YTHDF2: variants seen among roughly 807,000 people sequenced by gnomAD.
YTHDF2 encodes YTH domain-containing family protein 2.
Under a neutral mutation model 50.4 loss-of-function variants are expected in YTHDF2, and 2 were observed. That is an observed-to-expected ratio of 0.04 (90% CI 0.02 to 0.12). The LOEUF (loss-of-function observed/expected upper bound fraction) is 0.12, where lower values mean the gene tolerates loss of function less well. Ranked by LOEUF, YTHDF2 falls within the 10% of genes least tolerant of loss-of-function variation. The pLI is 1.00. For synonymous variants in YTHDF2, 217 were observed against 255.6 expected (o/e 0.85, Z 1.44); for missense variants, 483 against 722.6 (o/e 0.67, Z 3.80).
At chr1:28,745,598 G>A (rs1048529663) in intron 4 of YTHDF2, among the ~76,000 whole-genome samples, 4 of 151,998 alleles carry the variant, frequency 2.6e-5, no homozygotes, top group Non-Finnish European at 5.9e-5. Flanking sequence ...GGTGGCACAT[G>A]CCTGTAATCT....
intron 4 of YTHDF2, among the ~76,000 whole-genome samples, chr1:28,749,432 G>T (rs1014991718): frequency 1.3e-5 from 2 of 151,882 alleles, no homozygotes; most frequent in Admixed American, 6.6e-5. Flanking sequence ...TGCCCGCCCC[G>T]GCCTCCCAAA....
At chr1:28,745,050 G>C (rs972444599) in intron 4 of YTHDF2, among the ~76,000 whole-genome samples, 3 of 152,170 alleles carry the variant, frequency 2.0e-5, no homozygotes, top group African/African-American at 7.2e-5. Context: ...TAGTGGTTGA[G>C]AGAATCCTGA....
At chr1:28,737,991 C>T (rs939012264) in intron 2 of YTHDF2, among the ~76,000 whole-genome samples, 4 of 151,908 alleles carry the variant, frequency 2.6e-5, no homozygotes, top group African/African-American at 9.7e-5. Flanking sequence ...GAAGTACTCT[C>T]ATGTGATGGG....
chr1:28,736,925 T>A, upstream of YTHDF2: 1 of 581,634 alleles, frequency 1.7e-6, no homozygotes, highest in Non-Finnish European at 2.9e-6. Context: ...GAGACGGGCA[T>A]TGAGCTCTTG....
In YTHDF2 at chr1:28,768,071, G is replaced by A. The variant is rs187337456; in HGVS notation, c.1717-858G>A. On this transcript the variant is annotated intron_variant, in intron 4 of 4. Coordinates refer to ENST00000373812, the MANE Select transcript of YTHDF2 (RefSeq NM_016258.3). ...GAAAAAATTAGCCAGGCATGGTGGC[G>A]GCGCCTGTAATCCCAGCTACTCAGG... Among the ~76,000 whole-genome samples the A allele has an allele frequency of 3.6e-3, 546 of 151,740 alleles. 7 individuals carry two copies. Among genetic ancestry groups the A allele is most frequent in the African/African-American group, 0.013 (520 of 41,454 alleles).
At chr1:28,741,331 T>C (rs1029181380) in intron 3 of YTHDF2, among the ~76,000 whole-genome samples, 6 of 151,942 alleles carry the variant, frequency 3.9e-5, no homozygotes, top group African/African-American at 1.2e-4. Context: ...ACAGTCTGGC[T>C]CTGTTGCCTG....
chr1:28,738,442 T>C (rs1432379013), intron 3 of YTHDF2, 104 bp downstream of exon 3: 4 of 1,044,214 alleles, frequency 3.8e-6, no homozygotes, highest in Non-Finnish European at 4.2e-6. Context: ...TTTTTTTCTT[T>C]TTTCTGTTTT....
chr1:28,737,480 C>G (rs186999653), intron 1 of YTHDF2, 178 bp from the exon 2 acceptor site: 29 of 854,664 alleles, frequency 3.4e-5, no homozygotes, highest in Admixed American at 9.4e-5. Flanking sequence ...TCCCCTGCCC[C>G]ACGGGCCTGG....
intron 4 of YTHDF2, among the ~76,000 whole-genome samples, chr1:28,754,480 AGATAGCGCTACTGCACTCCAGCCTGGGC>A (rs1240034344): frequency 6.6e-6 from 1 of 152,080 alleles, no homozygotes; most frequent in African/African-American, 2.4e-5. Flanking sequence ...CAGTGAGCTG[AGATAGCGCTACTGCACTCCAGCCTGGGC>A]GAAAGAGCGA....
chr1:28,760,415 C>T (rs2088104135), intron 4 of YTHDF2, among the ~76,000 whole-genome samples: 1 of 152,022 alleles, frequency 6.6e-6, no homozygotes, highest in Non-Finnish European at 1.5e-5. Context: ...CTGCCTTAGC[C>T]TCCAGAGTAG....
intron 4 of YTHDF2, among the ~76,000 whole-genome samples, chr1:28,744,470 T>C (rs1036685896): frequency 1.3e-5 from 2 of 152,184 alleles, no homozygotes; most frequent in South Asian, 2.1e-4. Context: ...CCTGTGACAA[T>C]TGGCGGTGTA....
intron 4 of YTHDF2, among the ~76,000 whole-genome samples, chr1:28,763,890 T>C (rs1214337968): frequency 1.3e-5 from 2 of 150,416 alleles, no homozygotes; most frequent in African/African-American, 2.4e-5. Flanking sequence ...TTTCCTATTA[T>C]ATATACTTTA....
At chr1:28,763,052 A>G (rs540214223) in intron 4 of YTHDF2, among the ~76,000 whole-genome samples, 17 of 152,138 alleles carry the variant, frequency 1.1e-4, no homozygotes, top group African/African-American at 4.1e-4. Flanking sequence ...GTCTTGAGCT[A>G]CTGACCTCAA....
chr1:28,737,268 G>T (rs1010996273), intron 1 of YTHDF2, 121 bp downstream of exon 1: 4 of 1,340,174 alleles, frequency 3.0e-6, no homozygotes, highest in South Asian at 1.5e-5. Flanking sequence ...TGCGGGCCAG[G>T]TTTCGGGCCT....
chr1:28,741,163 A>G (rs1233780877), intron 3 of YTHDF2, among the ~76,000 whole-genome samples: 1 of 151,876 alleles, frequency 6.6e-6, no homozygotes, highest in Non-Finnish European at 1.5e-5. Context: ...ACGCCTGGCT[A>G]ATTTTTGTAT....
rs201869265 is a variant in YTHDF2 at position 28,742,471 on chromosome 1, C to T, written c.201C>T (p.Ser67=). Residue 67 remains serine, a synonymous_variant, in exon 4 of 5, where the codon TCC becomes TCT. Transcript: ENST00000373812. ...PSYYSPSIGF[S]YSLGEAAWST... ...ACTACAGTCCCTCCATTGGCTTCTCCTATTCTTTGGGTGAAGCTGCTTGGT... is the reference window on the plus strand; with the variant it reads ...ACTACAGTCCCTCCATTGGCTTCTCTTATTCTTTGGGTGAAGCTGCTTGGT... 1.9e-6 allele frequency: 3 copies of T among 1,613,098 alleles called. No individual in the cohort carries two copies. The highest frequency in any genetic ancestry group is 2.5e-6 in the Non-Finnish European group (3 of 1,179,604).
At chr1:28,741,102 A>G (rs1214518432) in intron 3 of YTHDF2, among the ~76,000 whole-genome samples, 2 of 151,944 alleles carry the variant, frequency 1.3e-5, no homozygotes, top group African/African-American at 4.8e-5. Flanking sequence ...AGTTCAAGCA[A>G]TTCTCCCACC....
chr1:28,756,988 C>G (rs984878643), intron 4 of YTHDF2, among the ~76,000 whole-genome samples: 1 of 152,154 alleles, frequency 6.6e-6, no homozygotes, highest in Non-Finnish European at 1.5e-5. Flanking sequence ...CAGCTCAGAT[C>G]GTTGCTTCTT....
rs1434314453 is a variant in YTHDF2 at position 28,764,557 on chromosome 1, G to C, written c.1717-4372G>C. The stretch of plus-strand genomic sequence containing the variant: ...CAAAGTGCTGGGATTACAGGCGTGA[G>C]CCATCGTGCCCGGCCCCAATTTTTT... On this transcript the variant is annotated intron_variant, in intron 4 of 4. Transcript: ENST00000373812. Among the ~76,000 whole-genome samples, 13 of 151,944 alleles carry C rather than the reference G, an allele frequency of 8.6e-5. 1 individual carries two copies. Among genetic ancestry groups the C allele is most frequent in the Non-Finnish European group, 2.9e-5 (2 of 68,004 alleles).
Sources: allele counts gnomAD v4.1 joint callset (sites outside exome capture counted in the v4.1 genomes callset), GRCh38; gene constraint gnomAD v4.1.1; transcripts MANE v1.5; gene names NCBI Gene and HGNC (gene_info 2026-07-23, HGNC 2026-07-21).